Variants in CADM2 observed in about 807,000 individuals in gnomAD.
CADM2 encodes the protein cell adhesion molecule 2.
Under a neutral mutation model 49.8 loss-of-function variants are expected in CADM2, and 12 were observed. That is an observed-to-expected ratio of 0.24 (90% CI 0.15 to 0.39). The LOEUF (loss-of-function observed/expected upper bound fraction) is 0.39. Ranked by LOEUF, CADM2 falls within the 10% of genes least tolerant of loss-of-function variation. The probability of loss-of-function intolerance (pLI) is 1.00; values close to 1 mark genes in which losing one functional copy is unlikely to be tolerated. For missense variants in CADM2, 378 were observed against 492.3 expected, an observed-to-expected ratio of 0.77 and a Z score of 2.20; for synonymous variants, 214 against 175.4, an observed-to-expected ratio of 1.22 and a Z score of -1.74.
intron 1 of CADM2, among the ~76,000 whole-genome samples, chr3:84,966,948 C>A (rs2031045464): frequency 6.6e-6 from 1 of 151,780 alleles, no homozygotes; most frequent in Non-Finnish European, 1.5e-5. Flanking sequence ...AAAAAAAAAT[C>A]TCAAAGCTAA....
chr3:85,269,997 C>T (rs570480629), intron 1 of CADM2, among the ~76,000 whole-genome samples: 3 of 150,894 alleles, frequency 2.0e-5, no homozygotes, highest in East Asian at 3.9e-4. Flanking sequence ...CTTAGGTTCC[C>T]GGGGAAAAAA....
chr3:85,877,236 T>C (rs772947504), intron 3 of CADM2, among the ~76,000 whole-genome samples: 4 of 152,162 alleles, frequency 2.6e-5, no homozygotes, highest in Admixed American at 1.3e-4. Context: ...CCTTTTCTTC[T>C]TTTATTACAC....
chr3:85,237,339 A>G (rs75514604), intron 1 of CADM2, among the ~76,000 whole-genome samples: 170 of 152,040 alleles, frequency 1.1e-3, no homozygotes, highest in African/African-American at 4.0e-3. Context: ...CTGTTTCAGT[A>G]TCTTGTGTGT....
At chr3:85,504,978 C>T (rs1369444501) in intron 1 of CADM2, among the ~76,000 whole-genome samples, 1 of 152,128 alleles carries the variant, frequency 6.6e-6, no homozygotes, top group Non-Finnish European at 1.5e-5. Context: ...GCGTGCGGGG[C>T]CCGCCAAGCC....
intron 1 of CADM2, among the ~76,000 whole-genome samples, chr3:85,188,859 G>T (rs1471379863): frequency 6.6e-6 from 1 of 151,490 alleles, no homozygotes; most frequent in Non-Finnish European, 1.5e-5. Context: ...GTGAAACCCC[G>T]TCTCTACTAA....
intron 1 of CADM2, among the ~76,000 whole-genome samples, chr3:85,605,622 G>T (rs555382100): frequency 9.9e-5 from 15 of 152,038 alleles, no homozygotes; most frequent in Admixed American, 6.6e-5. Context: ...GGTCCATGAA[G>T]AAACAGTTGG....
chr3:85,790,394 A>C (rs1343620556), intron 2 of CADM2, among the ~76,000 whole-genome samples: 1 of 152,208 alleles, frequency 6.6e-6, no homozygotes, highest in Non-Finnish European at 1.5e-5. Context: ...GGTAAACTGG[A>C]AACAATCCAG....
At chr3:86,023,061 T>C (rs1175970545) in intron 8 of CADM2, among the ~76,000 whole-genome samples, 1 of 152,212 alleles carries the variant, frequency 6.6e-6, no homozygotes, top group Admixed American at 6.5e-5. Context: ...CATTTTTTAC[T>C]TCATTTTACC....
chr3:85,454,513 G>A (rs1274205179), intron 1 of CADM2, among the ~76,000 whole-genome samples: 1 of 151,844 alleles, frequency 6.6e-6, no homozygotes, highest in Non-Finnish European at 1.5e-5. Context: ...TAGGCCTGAA[G>A]ACATAAAAGA....
Position 85,748,049 on chromosome 3 carries a change from A to G in CADM2, c.88+21501A>G, listed in dbSNP as rs185362847. 5.9e-5 allele frequency among the ~76,000 whole-genome samples: 9 copies of G among 152,236 alleles called. No homozygotes were observed. The East Asian group carries it at 1.5e-3, about 26-fold the overall frequency. On this transcript the variant is annotated intron_variant, in intron 2 of 9. Coordinates refer to ENST00000383699, the MANE Select transcript of CADM2 (RefSeq NM_001167675.2). ...TTTTAACATTTTATTATAATATAAA[A>G]CATCCTTTCAATATGTTTTTAAAAA...
At chr3:84,985,647 A>C (rs2032509179) in intron 1 of CADM2, among the ~76,000 whole-genome samples, 1 of 152,112 alleles carries the variant, frequency 6.6e-6, no homozygotes, top group African/African-American at 2.4e-5. Flanking sequence ...AAATTATTTC[A>C]ATATATACTT....
rs955035192 is a variant in CADM2, at chr3:85,215,358, T to TAA, written c.61+255713_61+255714dup. Among the ~76,000 whole-genome samples the TAA allele has an allele frequency of 1.7e-3, 140 of 80,896 alleles. 1 individual carries two copies. Among genetic ancestry groups the TAA allele is most frequent in the Middle Eastern group, 8.9e-3 (1 of 112 alleles). 53.1% of individuals were successfully genotyped at this position (80,896 alleles called of 152,430 possible). A position where few individuals can be genotyped will look rare whatever the true frequency, so the allele number is the denominator to read the frequency against. Reference sequence around the variant, plus strand: ...TGCAACACCAAAGTTCTCTCTTTTTTAAAAAAAAAAAAAAAAAAAAAAAAG... The same window carrying TAA: ...TGCAACACCAAAGTTCTCTCTTTTTTAAAAAAAAAAAAAAAAAAAAAAAAAAG... On this transcript the variant is annotated intron_variant, in intron 1 of 9. Coordinates refer to ENST00000383699, the MANE Select transcript of CADM2 (RefSeq NM_001167675.2).
In CADM2 at chr3:85,903,552, A is replaced by G. The variant is rs1301514961; in HGVS notation, c.530-8821A>G. ...TTCTGACCTTCATTGGTTTTGATGA[A>G]AAGTCAATTGTCAAGGGAGTTCCTT... On this transcript the variant is annotated intron_variant, in intron 5 of 9. Coordinates refer to ENST00000383699, the MANE Select transcript of CADM2 (RefSeq NM_001167675.2). Among the ~76,000 whole-genome samples, 5 of 152,112 alleles carry G rather than the reference A, an allele frequency of 3.3e-5. No individual in the cohort carries two copies. The East Asian group carries it at 9.7e-4, about 29-fold the overall frequency.
At chr3:85,938,645 T>A (rs1201467802) in intron 7 of CADM2, among the ~76,000 whole-genome samples, 1 of 152,098 alleles carries the variant, frequency 6.6e-6, no homozygotes, top group Non-Finnish European at 1.5e-5. Flanking sequence ...AAAGTTCTAC[T>A]CCATTATTTT....
intron 3 of CADM2, among the ~76,000 whole-genome samples, chr3:85,839,542 T>C (rs1383100370): frequency 6.6e-6 from 1 of 151,844 alleles, no homozygotes; most frequent in Non-Finnish European, 1.5e-5. Context: ...CTGCCTACGA[T>C]AGAGAGCTCA....
Position 84,992,157 on chromosome 3 carries a change from G to A in CADM2, c.61+32489G>A, listed in dbSNP as rs555884232. Among the ~76,000 whole-genome samples the A allele has an allele frequency of 1.2e-4, 18 of 152,190 alleles. No individual in the cohort carries two copies. The South Asian group carries it at 3.3e-3, about 28-fold the overall frequency. ...AATGTAAACTATGGACTCTGGTGGAGGATGATAATGAGGAGGCTACCTTTG... is the reference window on the plus strand; with the variant it reads ...AATGTAAACTATGGACTCTGGTGGAAGATGATAATGAGGAGGCTACCTTTG... On this transcript the variant is annotated intron_variant, in intron 1 of 9. Transcript: ENST00000383699.
intron 1 of CADM2, among the ~76,000 whole-genome samples, chr3:85,040,376 T>G (rs2035388327): frequency 6.6e-6 from 1 of 152,248 alleles, no homozygotes; most frequent in South Asian, 2.1e-4. Context: ...TTTGTTTGTT[T>G]TAATCAACAA....
chr3:85,142,631 C>T (rs1380730896), intron 1 of CADM2, among the ~76,000 whole-genome samples: 1 of 152,134 alleles, frequency 6.6e-6, no homozygotes, highest in Non-Finnish European at 1.5e-5. Flanking sequence ...ACTAATTATT[C>T]CCAATGAGTT....
intron 1 of CADM2, among the ~76,000 whole-genome samples, chr3:85,113,657 T>C (rs552355968): frequency 6.6e-6 from 1 of 151,280 alleles, no homozygotes; most frequent in Non-Finnish European, 1.5e-5. Flanking sequence ...AATTTTATTT[T>C]AATATTTATT....
Sources: gnomAD v4.1 joint callset for allele counts (sites outside exome capture counted in the v4.1 genomes callset) on GRCh38, gnomAD v4.1.1 for gene constraint, MANE v1.5 for transcripts, NCBI Gene and HGNC (gene_info 2026-07-23, HGNC 2026-07-21) for gene names.